The following OSBPL10 variants were observed in gnomAD, a reference collection of about 807,000 sequenced individuals.
OSBPL10 encodes the protein oxysterol-binding protein-related protein 10.
OSBPL10 carries 49 observed loss-of-function variants against 81.7 expected under a neutral mutation model. That is an observed-to-expected ratio of 0.60 (90% CI 0.48 to 0.76). The LOEUF (loss-of-function observed/expected upper bound fraction) is 0.76. OSBPL10 is among the 30% of genes least tolerant of loss of function. The probability of loss-of-function intolerance (pLI) is 0.00; values close to 1 mark genes in which losing one functional copy is unlikely to be tolerated. For missense variants in OSBPL10, 923 were observed against 987.8 expected (o/e 0.93, Z 0.88); for synonymous variants, 419 against 383.6 (o/e 1.09, Z -1.08).
chr3:32,030,535 C>A (rs1699458144), intron 2 of OSBPL10: 27 of 750,738 alleles, frequency 3.6e-5, no homozygotes, highest in South Asian at 3.4e-4. Flanking sequence ...GGAAAATGAT[C>A]AGAAAAAGAA....
Position 32,066,049 on chromosome 3 carries a change from GAAGGTTGC to G in OSBPL10, n.185+11339_185+11346del, listed in dbSNP as rs1363791235. Among the ~76,000 whole-genome samples the G allele has an allele frequency of 2.3e-5, 2 of 86,308 alleles. 1 individual carries two copies. The highest frequency in any genetic ancestry group is 6.2e-5 in the Non-Finnish European group (2 of 32,258). 56.6% of individuals were successfully genotyped at this position (86,308 alleles called of 152,430 possible). On this transcript the variant is annotated intron_variant and non_coding_transcript_variant, in intron 1 of 3. Coordinates refer to the OSBPL10 transcript ENST00000479173. ...AGAGAGAGAGAGAGAAAGAGAAAGA[GAAGGTTGC>G]AAGGTTGCAGTGAGCAGAGATTGCG...
chr3:31,950,599 G>A (rs11709741), intron 1 of OSBPL10, among the ~76,000 whole-genome samples: 25,842 of 152,190 alleles, frequency 0.17, 2,658 homozygotes, highest in South Asian at 0.27. Flanking sequence ...AGTGGATATA[G>A]TTTGGATATC....
chr3:31,937,027 G>A (rs903245326), intron 1 of OSBPL10, among the ~76,000 whole-genome samples: 1 of 152,218 alleles, frequency 6.6e-6, no homozygotes, highest in African/African-American at 2.4e-5. Context: ...GCTTATGCCT[G>A]TAATCCCAAC....
chr3:31,931,012 C>A (rs1697228931), intron 1 of OSBPL10, among the ~76,000 whole-genome samples: 2 of 53,490 alleles, frequency 3.7e-5, no homozygotes, highest in African/African-American at 1.0e-4. Flanking sequence ...AAGACTCGGT[C>A]TCAAAAAAAA....
chr3:31,881,156 G>A (rs560231823), intron 1 of OSBPL10, among the ~76,000 whole-genome samples: 36 of 152,176 alleles, frequency 2.4e-4, no homozygotes, highest in Non-Finnish European at 4.7e-4. Context: ...ACATTTGTGT[G>A]ATTATCTGAT....
intron 3 of OSBPL10, among the ~76,000 whole-genome samples, chr3:31,836,937 A>G (rs751537162): frequency 6.6e-6 from 1 of 152,202 alleles, no homozygotes; most frequent in Non-Finnish European, 1.5e-5. Flanking sequence ...AGCTAGATGG[A>G]ATCTCAAGAC....
intron 3 of OSBPL10, among the ~76,000 whole-genome samples, chr3:31,849,360 G>C (rs1472746199): frequency 6.6e-6 from 1 of 152,182 alleles, no homozygotes. Flanking sequence ...ATTTAAAGTA[G>C]AATAGGATCT....
At chr3:31,666,155 G>A (rs1208583063) in intron 10 of OSBPL10, among the ~76,000 whole-genome samples, 5 of 152,216 alleles carry the variant, frequency 3.3e-5, no homozygotes, top group Non-Finnish European at 5.9e-5. Flanking sequence ...CATGGCAGAG[G>A]TCGAGCAAGT....
chr3:31,874,194 G>GT (rs1454819093), intron 3 of OSBPL10, among the ~76,000 whole-genome samples: 1 of 150,720 alleles, frequency 6.6e-6, no homozygotes, highest in African/African-American at 2.4e-5. Flanking sequence ...TGTACTTAAA[G>GT]TTGGTTCCCC....
intron 1 of OSBPL10, among the ~76,000 whole-genome samples, chr3:31,952,115 A>T (rs1303213520): frequency 6.6e-6 from 1 of 151,686 alleles, no homozygotes; most frequent in Non-Finnish European, 1.5e-5. Flanking sequence ...TCTTAAATTC[A>T]ATGAAATTTG....
upstream of OSBPL10, among the ~76,000 whole-genome samples, chr3:31,985,407 G>A (rs1409394275): frequency 2.6e-5 from 4 of 152,230 alleles, no homozygotes; most frequent in Non-Finnish European, 5.9e-5. Context: ...TTTTGGGAAT[G>A]AAGCTATGCA....
intron 4 of OSBPL10, among the ~76,000 whole-genome samples, chr3:31,803,458 C>T (rs548416565): frequency 6.6e-6 from 1 of 152,216 alleles, no homozygotes; most frequent in African/African-American, 2.4e-5. Flanking sequence ...AAGTACCTCA[C>T]ATGTATGATG....
intron 6 of OSBPL10, among the ~76,000 whole-genome samples, chr3:31,706,759 A>C (rs751550722): frequency 6.6e-6 from 1 of 152,220 alleles, no homozygotes; most frequent in Middle Eastern, 3.2e-3. Flanking sequence ...CAATCTTTTT[A>C]TTCAATACAT....
At chr3:31,805,427 T>A (rs1699495776) in intron 4 of OSBPL10, among the ~76,000 whole-genome samples, 1 of 152,178 alleles carries the variant, frequency 6.6e-6, no homozygotes, top group African/African-American at 2.4e-5. Flanking sequence ...ATGGCTTTTA[T>A]TATGAGCTGA....
chr3:32,048,987 G>A (rs1699648052), intron 1 of OSBPL10, among the ~76,000 whole-genome samples: 1 of 152,098 alleles, frequency 6.6e-6, no homozygotes, highest in Admixed American at 6.5e-5. Flanking sequence ...CCAGTGCTAT[G>A]ACAGTTTACA....
chr3:32,052,468 G>C (rs982577672), intron 1 of OSBPL10, among the ~76,000 whole-genome samples: 10 of 152,024 alleles, frequency 6.6e-5, no homozygotes, highest in African/African-American at 2.4e-4. Context: ...ATACCCAAAA[G>C]ATTATAAATC....
At chr3:31,946,546 A>T (rs879486517) in intron 1 of OSBPL10, among the ~76,000 whole-genome samples, 7 of 152,220 alleles carry the variant, frequency 4.6e-5, no homozygotes, top group Non-Finnish European at 1.0e-4. Flanking sequence ...CCTTGCAGGC[A>T]GATGGCGGAC....
At chr3:31,687,893 A>AAATAATAATAATAATAATAAT (rs34327662) in intron 7 of OSBPL10, among the ~76,000 whole-genome samples, 1,694 of 143,826 alleles carry the variant, frequency 0.012, 28 homozygotes, top group African/African-American at 0.034. Context: ...CCATCACTAC[A>AAATAATAATAATAATAATAAT]AATAATAATA....
intron 3 of OSBPL10, among the ~76,000 whole-genome samples, chr3:31,843,189 A>G (rs1286837762): frequency 6.6e-6 from 1 of 152,230 alleles, no homozygotes; most frequent in East Asian, 1.9e-4. Flanking sequence ...GCAACTGTTC[A>G]GCCACATACA....
Sources: allele counts gnomAD v4.1 joint callset (sites outside exome capture counted in the v4.1 genomes callset), GRCh38; gene constraint gnomAD v4.1.1; transcripts MANE v1.5; gene names NCBI Gene and HGNC (gene_info 2026-07-23, HGNC 2026-07-21).